Variants in SNX29 observed in about 807,000 individuals in gnomAD.
The protein encoded by SNX29 is sorting nexin 29.
In SNX29, 78 loss-of-function variants were observed where a neutral mutation model predicts 102.1. The ratio of observed to expected loss-of-function variants is 0.76; its 90% CI spans 0.64 to 0.92. The LOEUF is 0.92. SNX29 is among the 40% of genes least tolerant of loss of function. The probability of loss-of-function intolerance (pLI) is 0.00; values close to 1 mark genes in which losing one functional copy is unlikely to be tolerated. For missense variants in SNX29, 1,280 were observed against 1,061.7 expected, an observed-to-expected ratio of 1.21 and a Z score of -2.86; for synonymous variants, 580 against 414.5, an observed-to-expected ratio of 1.40 and a Z score of -4.85.
chr16:12,391,304 A>G (rs1034213271), intron 16 of SNX29, among the ~76,000 whole-genome samples: 2 of 152,140 alleles, frequency 1.3e-5, no homozygotes, highest in Admixed American at 1.3e-4. Context: ...GAATCCAGAC[A>G]AACATCATAG....
rs370773761 is a variant in SNX29 at position 12,281,842 on chromosome 16, G to A, written c.1782+3806G>A. On this transcript the variant is annotated intron_variant, in intron 15 of 20. Coordinates refer to ENST00000566228, the MANE Select transcript of SNX29 (RefSeq NM_032167.5). ...TCCCAGCACTTTGAGAGAACGAGGC[G>A]GGTGGATCACTTCAGACTAGGAGTT... Among the ~76,000 whole-genome samples the A allele has an allele frequency of 2.9e-4, 44 of 152,176 alleles. No individual in the cohort carries two copies. In the East Asian group the frequency reaches 4.8e-3, roughly 17 times the overall value.
chr16:12,425,195 T>G (rs2085015204), intron 18 of SNX29, among the ~76,000 whole-genome samples: 1 of 152,212 alleles, frequency 6.6e-6, no homozygotes, highest in African/African-American at 2.4e-5. Context: ...GCTCGGCTGA[T>G]GTGGGTCACT....
At chr16:12,295,824 A>G (rs775175079) in intron 15 of SNX29, among the ~76,000 whole-genome samples, 2 of 151,576 alleles carry the variant, frequency 1.3e-5, no homozygotes, top group Non-Finnish European at 2.9e-5. Context: ...TCCATTTTTA[A>G]GGTAGAGAAG....
Position 12,572,591 on chromosome 16 carries a change from C to CA in SNX29, c.*3963dup. ...GGTCCAGCCATGTTCTCTGGGCTCC[C>CA]AGTGAGCCCCCTCCCCTCCGGCTAC... On this transcript the variant is annotated 3_prime_UTR_variant, in exon 21 of 21. Transcript: ENST00000566228. The CA allele has an allele frequency of 9.4e-7, 1 of 1,064,190 alleles. No individual in the cohort carries two copies. The highest frequency in any genetic ancestry group is 1.1e-6 in the Non-Finnish European group (1 of 878,516). 65.9% of individuals were successfully genotyped at this position (1,064,190 alleles called of 1,614,324 possible).
At chr16:12,557,923 C>T (rs1373711241) in intron 20 of SNX29, among the ~76,000 whole-genome samples, 1 of 152,168 alleles carries the variant, frequency 6.6e-6, no homozygotes, top group Non-Finnish European at 1.5e-5. Flanking sequence ...TCAGGGCAGG[C>T]AGGCTGCTAT....
chr16:12,136,334 C>T (rs74503576), intron 13 of SNX29, among the ~76,000 whole-genome samples: 1 of 152,204 alleles, frequency 6.6e-6, no homozygotes, highest in Non-Finnish European at 1.5e-5. Flanking sequence ...GGGCCGTGTC[C>T]GACCCTTACC....
chr16:12,089,597 TG>T (rs2052401609), intron 11 of SNX29, among the ~76,000 whole-genome samples: 1 of 152,038 alleles, frequency 6.6e-6, no homozygotes, highest in Non-Finnish European at 1.5e-5. Flanking sequence ...GGTCTCAGGA[TG>T]GGGGGTTTGG....
At chr16:12,490,045 A>T (rs2088465085) in intron 19 of SNX29, among the ~76,000 whole-genome samples, 1 of 152,132 alleles carries the variant, frequency 6.6e-6, no homozygotes, top group South Asian at 2.1e-4. Flanking sequence ...GCCTCAAGTG[A>T]TCTGCCCACC....
At chr16:12,268,120 C>T (rs752928228) in intron 14 of SNX29, among the ~76,000 whole-genome samples, 10 of 152,196 alleles carry the variant, frequency 6.6e-5, no homozygotes, top group South Asian at 4.1e-4. Flanking sequence ...GGGCTTTCTT[C>T]GAACCTTATT....
intron 20 of SNX29, among the ~76,000 whole-genome samples, chr16:12,566,556 C>T (rs56013945): frequency 0.1 from 15,895 of 152,254 alleles, 1,028 homozygotes; most frequent in Non-Finnish European, 0.14. Context: ...GTTGTGAGGG[C>T]ATGGCTTTAA....
At chr16:12,180,802 T>C (rs1264412310) in intron 13 of SNX29, among the ~76,000 whole-genome samples, 1 of 152,102 alleles carries the variant, frequency 6.6e-6, no homozygotes, top group Non-Finnish European at 1.5e-5. Flanking sequence ...TCTCTTTATG[T>C]GTAGTTAGGA....
At chr16:12,531,008 T>C (rs1303403026) in intron 20 of SNX29, among the ~76,000 whole-genome samples, 1 of 152,234 alleles carries the variant, frequency 6.6e-6, no homozygotes, top group Non-Finnish European at 1.5e-5. Flanking sequence ...CTGGAACATC[T>C]CGATGGATAC....
At position 12,352,300 on chromosome 16, in the gene SNX29, G is replaced by C. The variant is rs534893452; in HGVS notation, c.1783-3863G>C. On this transcript the variant is annotated intron_variant, in intron 15 of 20. Transcript: ENST00000566228. ...CAAACACCGCATGTTCTCACTCATA[G>C]GTGGGAGTTGAACAATGAGAACACA... 1.8e-4 allele frequency among the ~76,000 whole-genome samples: 27 copies of C among 152,144 alleles called. No individual in the cohort carries two copies. In the South Asian group the frequency reaches 3.5e-3, roughly 20 times the overall value.
chr16:12,359,942 G>GC (rs2082255261), intron 16 of SNX29, among the ~76,000 whole-genome samples: 1 of 152,156 alleles, frequency 6.6e-6, no homozygotes, highest in Admixed American at 6.5e-5. Context: ...TCATGCCTCA[G>GC]CCTCCTGAGT....
chr16:12,275,692 CTT>C (rs34590499), intron 14 of SNX29, among the ~76,000 whole-genome samples: 180 of 139,346 alleles, frequency 1.3e-3, no homozygotes, highest in African/African-American at 1.2e-3. Context: ...CTCTCCAATT[CTT>C]TTTTTTTTTT....
intron 4 of SNX29, among the ~76,000 whole-genome samples, chr16:12,041,817 G>C (rs1014933960): frequency 5.9e-5 from 9 of 152,090 alleles, no homozygotes; most frequent in Non-Finnish European, 1.0e-4. Flanking sequence ...TACTATATAA[G>C]GTAATATTCA....
chr16:12,048,587 C>T lies in SNX29; in HGVS notation c.715C>T (p.Pro239Ser), dbSNP rs773548510. 5.0e-6 allele frequency: 8 copies of T among 1,613,934 alleles called. No individual in the cohort carries two copies. The highest frequency in any genetic ancestry group is 6.8e-6 in the Non-Finnish European group (8 of 1,179,870). The change falls in exon 7 of 21, where the codon CCC (proline) becomes TCC (serine). Residue 239 changes from proline (P) to serine (S), a missense_variant. By Grantham distance (74) the Pro-to-Ser change is moderately conservative. Coordinates refer to ENST00000566228, the MANE Select transcript of SNX29 (RefSeq NM_032167.5). Reference sequence around the variant, plus strand: ...CATCAAACCTGAACAGGAGACCGACCCCTTGCCTGTCGTGTCCAGGAATGT... The same window carrying T: ...CATCAAACCTGAACAGGAGACCGACTCCTTGCCTGTCGTGTCCAGGAATGT... ...ILIKPEQETD[P>S]LPVVSRNVSA...
At chr16:12,350,223 C>A (rs1035653201) in intron 15 of SNX29, among the ~76,000 whole-genome samples, 1 of 152,172 alleles carries the variant, frequency 6.6e-6, no homozygotes, top group African/African-American at 2.4e-5. Context: ...TGTGATTCAA[C>A]CAACTGGGGA....
intron 14 of SNX29, among the ~76,000 whole-genome samples, chr16:12,270,835 C>G (rs1408932135): frequency 1.3e-5 from 2 of 151,942 alleles, no homozygotes; most frequent in East Asian, 3.9e-4. Flanking sequence ...TGCGGTCAGG[C>G]ATTCGAGACC....
Sources: allele counts gnomAD v4.1 joint callset (sites outside exome capture counted in the v4.1 genomes callset), GRCh38; gene constraint gnomAD v4.1.1; transcripts MANE v1.5; gene names NCBI Gene and HGNC (gene_info 2026-07-23, HGNC 2026-07-21).